Variants in EIF2AK4 observed in about 807,000 individuals in gnomAD.
EIF2AK4 encodes the protein eukaryotic translation initiation factor 2 alpha kinase 4.
In EIF2AK4, 139 loss-of-function variants were observed where a neutral mutation model predicts 211.1. The observed-to-expected ratio is 0.66, with a 90% CI of 0.57 to 0.76. The LOEUF is 0.76. Among genes scored for constraint, EIF2AK4 ranks in the 30% least tolerant of loss-of-function variants. EIF2AK4 has a pLI of 0.00. For synonymous variants in EIF2AK4, 710 were observed against 751.3 expected, an observed-to-expected ratio of 0.94 and a Z score of 0.90; for missense variants, 1,664 against 2,043.8, an observed-to-expected ratio of 0.81 and a Z score of 3.58.
At chr15:40,014,360 C>A (rs549264820) in intron 27 of EIF2AK4, among the ~76,000 whole-genome samples, 1 of 152,386 alleles carries the variant, frequency 6.6e-6, no homozygotes, top group Admixed American at 6.5e-5. Flanking sequence ...GGCATCCAGG[C>A]GTTTCCATAC....
At chr15:39,943,519 A>C (rs1472841691) in intron 3 of EIF2AK4, 34 bp downstream of exon 3, 1 of 1,547,206 alleles carries the variant, frequency 6.5e-7, no homozygotes, top group East Asian at 2.3e-5. Flanking sequence ...AAAAGAAGAC[A>C]GTAAACTTCC....
intron 7 of EIF2AK4, 55 bp downstream of exon 7, chr15:39,961,954 A>T (rs510949): frequency 1.5e-6 from 2 of 1,371,838 alleles, no homozygotes; most frequent in Non-Finnish European, 2.1e-6. Flanking sequence ...AGTTAATCAC[A>T]AAGGAATGGG....
Position 39,985,900 on chromosome 15 carries a change from G to C in EIF2AK4, c.2403+12G>C. ...ACCTATACATCCAGGTGAGGTCGTG[G>C]TGTGTAGTTAGGTGACACAGCAACA... On this transcript the variant is annotated intron_variant, in intron 14 of 38. Transcript: ENST00000263791. 1 of 1,612,580 alleles carries C rather than the reference G, an allele frequency of 6.2e-7. No individual in the cohort carries two copies. Among genetic ancestry groups the C allele is most frequent in the Non-Finnish European group, 8.5e-7 (1 of 1,178,902 alleles).
At chr15:40,029,675 CTA>C (rs1243359730) in intron 34 of EIF2AK4, among the ~76,000 whole-genome samples, 20 of 152,260 alleles carry the variant, frequency 1.3e-4, no homozygotes, top group African/African-American at 4.8e-4. Flanking sequence ...CTCTTCTACT[CTA>C]TCTCTTATTT....
At chr15:39,989,293 AT>A (rs1356150554) in intron 15 of EIF2AK4, among the ~76,000 whole-genome samples, 2 of 152,096 alleles carry the variant, frequency 1.3e-5, no homozygotes, top group African/African-American at 2.4e-5. Context: ...TAAATTCATT[AT>A]TTTTTTCCTT....
chr15:39,969,834 C>A (rs926400083), intron 9 of EIF2AK4, among the ~76,000 whole-genome samples: 1 of 152,154 alleles, frequency 6.6e-6, no homozygotes, highest in Non-Finnish European at 1.5e-5. Flanking sequence ...AAAACAGCAA[C>A]CTTCCATTTG....
intron 3 of EIF2AK4, among the ~76,000 whole-genome samples, chr15:39,944,508 T>TG (rs1419128849): frequency 1.4e-5 from 2 of 145,412 alleles, no homozygotes; most frequent in African/African-American, 5.2e-5. Context: ...CTCGGCTCAC[T>TG]GCAAGCTCCG....
At chr15:40,030,926 T>C (rs1234502624) in intron 35 of EIF2AK4, among the ~76,000 whole-genome samples, 1 of 152,172 alleles carries the variant, frequency 6.6e-6, no homozygotes, top group Non-Finnish European at 1.5e-5. Context: ...GCATATGCAT[T>C]ATATAGAGAA....
chr15:40,021,677 G>A (rs889963848), intron 31 of EIF2AK4: 3 of 152,422 alleles, frequency 2.0e-5, no homozygotes, highest in Non-Finnish European at 2.9e-5. Context: ...TGGAGGTGTG[G>A]AAAGTGGCAC....
intron 27 of EIF2AK4, among the ~76,000 whole-genome samples, chr15:40,012,548 A>G (rs2035248112): frequency 1.3e-5 from 2 of 152,242 alleles, no homozygotes; most frequent in Non-Finnish European, 2.9e-5. Flanking sequence ...GTGCAGAAAT[A>G]GTCCCATGTG....
At chr15:39,954,887 T>C (rs974328156) in intron 5 of EIF2AK4, among the ~76,000 whole-genome samples, 1 of 152,224 alleles carries the variant, frequency 6.6e-6, no homozygotes, top group Admixed American at 6.5e-5. Flanking sequence ...GTTTAAAGCT[T>C]CAGCTTTCCT....
chr15:39,972,015 A>C (rs1038103360), intron 9 of EIF2AK4, among the ~76,000 whole-genome samples: 9 of 152,180 alleles, frequency 5.9e-5, no homozygotes, highest in Admixed American at 2.0e-4. Context: ...AGAATTGTCT[A>C]TTACACCATT....
intron 26 of EIF2AK4, among the ~76,000 whole-genome samples, chr15:40,010,995 G>A (rs1372382073): frequency 6.6e-6 from 1 of 152,212 alleles, no homozygotes; most frequent in Non-Finnish European, 1.5e-5. Context: ...CCAAACAAAT[G>A]CCCTCATTAA....
chr15:40,029,600 G>A, intron 34 of EIF2AK4, 136 bp downstream of exon 34: 1 of 864,438 alleles, frequency 1.2e-6, no homozygotes, highest in South Asian at 2.1e-5. Context: ...GTACCACATG[G>A]GATGCATCCC....
intron 1 of EIF2AK4, among the ~76,000 whole-genome samples, chr15:39,938,338 T>TA (rs1230799400): frequency 3.3e-5 from 5 of 152,212 alleles, no homozygotes; most frequent in Admixed American, 6.5e-5. Context: ...TTCGCAGAAT[T>TA]ATGCTTTATG....
intron 18 of EIF2AK4, 120 bp downstream of exon 18, chr15:39,992,968 G>A: frequency 1.1e-6 from 1 of 937,422 alleles, no homozygotes; most frequent in Non-Finnish European, 1.7e-6. Context: ...CACACTCCAG[G>A]AAGGACTCAT....
intron 13 of EIF2AK4, among the ~76,000 whole-genome samples, chr15:39,985,562 T>A (rs541604061): frequency 1.4e-4 from 22 of 152,288 alleles, no homozygotes; most frequent in Non-Finnish European, 1.5e-5. Flanking sequence ...AATCCCTGAA[T>A]AGACCAATAA....
intron 5 of EIF2AK4, 45 bp from the exon 6 acceptor site, chr15:39,955,575 A>G (rs1453540786): frequency 3.8e-6 from 6 of 1,570,704 alleles, no homozygotes; most frequent in Non-Finnish European, 5.2e-6. Flanking sequence ...ATTTTCTTCC[A>G]TGTATGACTT....
chr15:40,028,022 T>C (rs758796100), intron 33 of EIF2AK4, among the ~76,000 whole-genome samples: 1 of 152,066 alleles, frequency 6.6e-6, no homozygotes, highest in East Asian at 1.9e-4. Flanking sequence ...TTTTGGTTAG[T>C]GGGATTACAA....
Sources: gnomAD v4.1 joint callset for allele counts (sites outside exome capture counted in the v4.1 genomes callset) on GRCh38, gnomAD v4.1.1 for gene constraint, MANE v1.5 for transcripts, NCBI Gene and HGNC (gene_info 2026-07-23, HGNC 2026-07-21) for gene names.